BABAM2: variants seen among roughly 807,000 people sequenced by gnomAD.
BABAM2 encodes BRISC and BRCA1 A complex member 2.
BABAM2 carries 31 observed loss-of-function variants against 54.7 expected under a neutral mutation model. The ratio of observed to expected loss-of-function variants is 0.57; its 90% confidence interval spans 0.43 to 0.77. The LOEUF is 0.77. Among genes scored for constraint, BABAM2 ranks in the 30% least tolerant of loss-of-function variants. The probability of loss-of-function intolerance (pLI) is 0.00; values close to 1 mark genes in which losing one functional copy is unlikely to be tolerated. For synonymous variants in BABAM2, 167 were observed against 162.9 expected, an observed-to-expected ratio of 1.03 and a Z score of -0.19; for missense variants, 364 against 455.8, an observed-to-expected ratio of 0.80 and a Z score of 1.83.
intron 6 of BABAM2, among the ~76,000 whole-genome samples, chr2:28,099,956 G>A (rs191603514): frequency 1.5e-4 from 23 of 151,850 alleles, no homozygotes; most frequent in Non-Finnish European, 2.1e-4. Flanking sequence ...AATTTCTAAC[G>A]TATAGTCTTG....
intron 10 of BABAM2, among the ~76,000 whole-genome samples, chr2:28,270,184 C>T (rs1241449565): frequency 6.6e-6 from 1 of 151,952 alleles, no homozygotes; most frequent in African/African-American, 2.4e-5. Flanking sequence ...TATAGTGGTG[C>T]AATCATAGCT....
intron 7 of BABAM2, among the ~76,000 whole-genome samples, chr2:28,205,015 G>T (rs1188574812): frequency 2.0e-5 from 3 of 150,618 alleles, no homozygotes; most frequent in Non-Finnish European, 4.4e-5. Context: ...ATCAGATTCT[G>T]CTGTCATTCT....
chr2:28,096,377 CA>C (rs10594441), intron 6 of BABAM2, among the ~76,000 whole-genome samples: 6,803 of 139,432 alleles, frequency 0.049, 193 homozygotes, highest in African/African-American at 0.086. Context: ...TGTTGATCAG[CA>C]AAAAAAAAAA....
chr2:28,250,473 G>A (rs1424015838), intron 10 of BABAM2, among the ~76,000 whole-genome samples: 9 of 150,250 alleles, frequency 6.0e-5, no homozygotes, highest in East Asian at 1.9e-4. Context: ...TTGTCCTCCC[G>A]CTTATTTGTT....
chr2:28,145,454 T>C (rs1015737853), intron 7 of BABAM2, among the ~76,000 whole-genome samples: 4 of 152,210 alleles, frequency 2.6e-5, no homozygotes, highest in African/African-American at 9.6e-5. Flanking sequence ...CAAAGGAAAA[T>C]ACACTGTAGC....
chr2:28,318,669 G>A (rs185192045), intron 11 of BABAM2, among the ~76,000 whole-genome samples: 6 of 152,314 alleles, frequency 3.9e-5, no homozygotes, highest in East Asian at 1.9e-4. Flanking sequence ...TTATTTTGCC[G>A]TGTTTTTACG....
intron 10 of BABAM2, among the ~76,000 whole-genome samples, chr2:28,259,074 CTTTTTTTT>C (rs70956009): frequency 4.0e-3 from 94 of 23,400 alleles, no homozygotes; most frequent in African/African-American, 6.3e-3. Context: ...TGCACCTGGC[CTTTTTTTT>C]TTTTTTTTTT....
chr2:27,929,822 T>C lies in BABAM2; in HGVS notation c.129-10T>C. ...ATCTTTTCTTTCTTCTGTTTCTGCA[T>C]TTTTTAAAGCTGCACATCATTGACT... On this transcript the variant is annotated splice_polypyrimidine_tract_variant and intron_variant, in intron 2 of 11. Transcript: ENST00000379624. The C allele has an allele frequency of 6.2e-7, 1 of 1,611,622 alleles. No individual in the cohort carries two copies.
chr2:27,937,404 G>T (rs1668564380), intron 3 of BABAM2, among the ~76,000 whole-genome samples: 1 of 152,166 alleles, frequency 6.6e-6, no homozygotes. Flanking sequence ...GGGATTACAG[G>T]CATGAGCCAC....
At chr2:28,208,270 A>T (rs1410017940) in intron 7 of BABAM2, among the ~76,000 whole-genome samples, 1 of 152,242 alleles carries the variant, frequency 6.6e-6, no homozygotes, top group African/African-American at 2.4e-5. Flanking sequence ...TGTCTGTATC[A>T]GGCTGTTTAT....
At chr2:28,182,136 G>A (rs1226411326) in intron 7 of BABAM2, among the ~76,000 whole-genome samples, 1 of 152,128 alleles carries the variant, frequency 6.6e-6, no homozygotes, top group Non-Finnish European at 1.5e-5. Context: ...GGCCTTACAG[G>A]CCGCTTTAAG....
At chr2:27,929,451 G>A (rs1034744776) in intron 2 of BABAM2, among the ~76,000 whole-genome samples, 3 of 151,954 alleles carry the variant, frequency 2.0e-5, no homozygotes, top group Non-Finnish European at 2.9e-5. Context: ...TGAAAGCTAA[G>A]AGTCCATATT....
At chr2:28,298,523 A>G in intron 11 of BABAM2, 32 bp downstream of exon 11, 1 of 1,613,518 alleles carries the variant, frequency 6.2e-7, no homozygotes, top group Non-Finnish European at 8.5e-7. Flanking sequence ...TCCAACAGGT[A>G]AGAGCATTTT....
chr2:28,263,014 C>T (rs1684660233), intron 10 of BABAM2, among the ~76,000 whole-genome samples: 1 of 151,664 alleles, frequency 6.6e-6, no homozygotes, highest in African/African-American at 2.4e-5. Flanking sequence ...CTGAGAATGA[C>T]TTGTGGCTAA....
intron 5 of BABAM2, among the ~76,000 whole-genome samples, chr2:28,044,182 C>A (rs1414539922): frequency 6.6e-6 from 1 of 152,148 alleles, no homozygotes; most frequent in African/African-American, 2.4e-5. Context: ...CAATATATTT[C>A]TGTCTGTATT....
intron 11 of BABAM2, among the ~76,000 whole-genome samples, chr2:28,311,505 C>T (rs1196297877): frequency 6.6e-6 from 1 of 152,168 alleles, no homozygotes; most frequent in Non-Finnish European, 1.5e-5. Context: ...TTAATGGAAT[C>T]AGAGTTCCTT....
chr2:28,215,298 T>C (rs144799606), intron 7 of BABAM2, among the ~76,000 whole-genome samples: 1 of 152,304 alleles, frequency 6.6e-6, no homozygotes, highest in East Asian at 1.9e-4. Flanking sequence ...ACTCTTTAAC[T>C]TGTCTAAGCC....
At chr2:28,225,376 A>G (rs1366796232) in intron 7 of BABAM2, among the ~76,000 whole-genome samples, 1 of 152,270 alleles carries the variant, frequency 6.6e-6, no homozygotes, top group African/African-American at 2.4e-5. Flanking sequence ...TGCAGGCATC[A>G]GAATCCAGAG....
chr2:27,989,699 G>A (rs887834117), intron 4 of BABAM2, among the ~76,000 whole-genome samples: 3 of 152,156 alleles, frequency 2.0e-5, no homozygotes, highest in Admixed American at 6.5e-5. Flanking sequence ...ATTGAGGATA[G>A]TTGTAAAAAT....
Sources: allele counts gnomAD v4.1 joint callset (sites outside exome capture counted in the v4.1 genomes callset), GRCh38; gene constraint gnomAD v4.1.1; transcripts MANE v1.5; gene names NCBI Gene and HGNC (gene_info 2026-07-23, HGNC 2026-07-21).